Variants in TADA3 observed in about 807,000 individuals in gnomAD.
The protein encoded by TADA3 is transcriptional adaptor 3.
Under a neutral mutation model 43.2 loss-of-function variants are expected in TADA3, and 25 were observed. The observed-to-expected ratio is 0.58, with a 90% CI of 0.42 to 0.81. The LOEUF is 0.81. Ranked by LOEUF, TADA3 falls within the 30% of genes least tolerant of loss-of-function variation. TADA3 has a pLI of 0.00. For synonymous variants in TADA3, 235 were observed against 225.5 expected (o/e 1.04, Z -0.38); for missense variants, 441 against 567.8 (o/e 0.78, Z 2.27).
At chr3:9,788,970 G>A (rs1412513402) in intron 4 of TADA3, among the ~76,000 whole-genome samples, 1 of 151,890 alleles carries the variant, frequency 6.6e-6, no homozygotes, top group Non-Finnish European at 1.5e-5. Flanking sequence ...CGAGTAGCTG[G>A]GACTACAGGC....
intron 8 of TADA3, chr3:9,781,364 TAAC>T (rs2078459278): frequency 2.6e-6 from 1 of 390,372 alleles, no homozygotes; most frequent in Non-Finnish European, 5.3e-6. Flanking sequence ...CAGTTAATCC[TAAC>T]AACCCTGCAA....
At position 9,780,549 on chromosome 3, in the gene TADA3, C is replaced by A; in HGVS notation, c.1107G>T (p.Arg369Ser). The A allele has an allele frequency of 6.2e-7, 1 of 1,600,250 alleles. No individual in the cohort carries two copies. The highest frequency in any genetic ancestry group is 8.5e-7 in the Non-Finnish European group (1 of 1,179,026). ...HNRTKKHDLL[R>S]LAKEEVSRQE... ...GCCGGCTCACCTCCTCCTTTGCCAG[C>A]CTGTGGGGACCAGCCAGCCAGGTGC... Residue 369 changes from arginine (R) to serine (S), a missense_variant and splice_region_variant, in exon 9 of 9, where the codon AGG (arginine) becomes AGT (serine). Physicochemically the swap from Arg to Ser is moderately radical, Grantham distance 110. Coordinates refer to ENST00000301964, the MANE Select transcript of TADA3 (RefSeq NM_006354.5).
chr3:9,783,972 C>T, intron 8 of TADA3, 56 bp downstream of exon 8: 1 of 1,555,906 alleles, frequency 6.4e-7, no homozygotes, highest in Non-Finnish European at 8.7e-7. Flanking sequence ...AGGTGACTAG[C>T]CGTGGCCACA....
At chr3:9,783,196 T>C (rs924027401) in intron 8 of TADA3, 2 of 151,984 alleles carry the variant, frequency 1.3e-5, no homozygotes, top group Admixed American at 6.6e-5. Context: ...AAATTTTTAA[T>C]AACAAAACTT....
intron 8 of TADA3, chr3:9,783,755 G>A: frequency 2.7e-6 from 1 of 372,780 alleles, no homozygotes; most frequent in South Asian, 4.8e-5. Flanking sequence ...TCCAGCCTGG[G>A]TGACAGTGCG....
rs954453419 is a variant in TADA3 at position 9,784,284 on chromosome 3, G to C, written c.921-71C>G. The C allele has an allele frequency of 2.0e-6, 3 of 1,527,434 alleles. No individual in the cohort carries two copies. The Admixed American group carries it at 6.1e-5, about 31-fold the overall frequency. 94.6% of individuals were successfully genotyped at this position (1,527,434 alleles called of 1,614,324 possible). On this transcript the variant is annotated intron_variant, in intron 7 of 8. Transcript: ENST00000301964. ...AAGGGCCCACCTTGGAGGTTCCCAGGGCTTCCCAAGGTCAGTGAAAACCTG... is the reference window on the plus strand; with the variant it reads ...AAGGGCCCACCTTGGAGGTTCCCAGCGCTTCCCAAGGTCAGTGAAAACCTG...
At chr3:9,780,819 G>C (rs1436571284) in intron 8 of TADA3, among the ~76,000 whole-genome samples, 1 of 152,148 alleles carries the variant, frequency 6.6e-6, no homozygotes, top group Admixed American at 6.5e-5. Context: ...TCTCAATTTT[G>C]TTGTGAACTT....
intron 4 of TADA3, chr3:9,787,799 G>C: frequency 9.8e-7 from 1 of 1,016,230 alleles, no homozygotes; most frequent in South Asian, 1.3e-5. Flanking sequence ...ACAAAGGAGA[G>C]ACTGACTAAC....
In TADA3 at chr3:9,780,291, A is replaced by G. The variant is rs1171478351; in HGVS notation, c.*66T>C. 1.3e-6 allele frequency: 2 copies of G among 1,507,198 alleles called. No homozygotes were observed. The highest frequency in any genetic ancestry group is 1.2e-5 in the South Asian group (1 of 80,726). 93.4% of individuals were successfully genotyped at this position (1,507,198 alleles called of 1,614,324 possible). A position where few individuals can be genotyped will look rare whatever the true frequency, so the allele number is the denominator to read the frequency against. ...CACAGGCCAATGTTTCCTGTGCCCAAAGAAGGAAGTGGGCCTCCCTTCCCC... is the reference window on the plus strand; with the variant it reads ...CACAGGCCAATGTTTCCTGTGCCCAGAGAAGGAAGTGGGCCTCCCTTCCCC... On this transcript the variant is annotated 3_prime_UTR_variant, in exon 9 of 9. Transcript: ENST00000301964.
rs150345911 is a variant in TADA3, at chr3:9,789,739, C to T, written c.432G>A (p.Arg144=). Residue 144 remains arginine, a synonymous_variant, in exon 3 of 9, where the codon CGG becomes CGA. Coordinates refer to ENST00000301964, the MANE Select transcript of TADA3 (RefSeq NM_006354.5). The part of the protein sequence containing the change: ...EFTDDPIDVP[R]IPKNDAPNRF... ...TGTTGGGGGCATCATTTTTGGGGAT[C>T]CGTGGCACGTCGATAGGGTCATCAG... 2.0e-4 allele frequency: 322 copies of T among 1,613,554 alleles called. No homozygotes were observed. In the African/African-American group the frequency reaches 3.9e-3, roughly 19 times the overall value.
chr3:9,786,851 C>T (rs1296345726), intron 6 of TADA3, among the ~76,000 whole-genome samples, 155 bp downstream of exon 6: 2 of 152,174 alleles, frequency 1.3e-5, no homozygotes, highest in East Asian at 3.8e-4. Context: ...ATATTATTCC[C>T]AATCTTTTGC....
chr3:9,787,449 G>GCCAAGC (rs1191617639), intron 4 of TADA3, 109 bp from the exon 5 acceptor site: 16 of 1,430,904 alleles, frequency 1.1e-5, no homozygotes, highest in Non-Finnish European at 1.4e-5. Context: ...CTAGTCCAAG[G>GCCAAGC]CCAAGCCCAG....
Position 9,784,179 on chromosome 3 carries a change from T to C in TADA3, c.955A>G (p.Lys319Glu). ...AGGCCCTGGGCAATTAGCTCCTCCTTGATGCGGCTCTCCAGGGACTTAGTA... is the reference window on the plus strand; with the variant it reads ...AGGCCCTGGGCAATTAGCTCCTCCTCGATGCGGCTCTCCAGGGACTTAGTA... ...PHTKSLESRI[K>E]EELIAQGLLE... Residue 319 changes from lysine (K) to glutamate (E), a missense_variant, in exon 8 of 9, where the codon AAG (lysine) becomes GAG (glutamate). Physicochemically the swap from Lys to Glu is moderately conservative, Grantham distance 56 (BLOSUM62 1). Transcript: ENST00000301964. 6.2e-7 allele frequency: 1 copy of C among 1,613,954 alleles called. No individual in the cohort carries two copies. Among genetic ancestry groups the C allele is most frequent in the South Asian group, 1.1e-5 (1 of 91,076 alleles).
Position 9,791,481 on chromosome 3 carries a change from G to T in TADA3, c.-15C>A. On this transcript the variant is annotated 5_prime_UTR_variant, in exon 2 of 9. Coordinates refer to ENST00000301964, the MANE Select transcript of TADA3 (RefSeq NM_006354.5). ...AACTCACTCATGGCCCAGGATATGG[G>T]GATCCTGTGGAGCTGGAGAGGACAG... 1 of 1,589,096 alleles carries T rather than the reference G, an allele frequency of 6.3e-7. No individual in the cohort carries two copies. The highest frequency in any genetic ancestry group is 8.6e-7 in the Non-Finnish European group (1 of 1,162,410).
rs534192335 is a variant in TADA3 at position 9,787,821 on chromosome 3, G to C, written c.565-481C>G. The C allele has an allele frequency of 6.2e-5, 50 of 800,876 alleles. 1 individual carries two copies. The South Asian group carries it at 6.9e-4, about 11-fold the overall frequency. The allele number at this position is 800,876 out of a possible 1,614,324, so 49.6% of individuals were successfully genotyped here. A position where few individuals can be genotyped will look rare whatever the true frequency, so the allele number is the denominator to read the frequency against. On this transcript the variant is annotated intron_variant, in intron 4 of 8. Transcript: ENST00000301964. ...AGAGACTGACTAACTTTCTGCTGGG[G>C]AATCTGAAAGAGTGCTTTGGTGGAG...
At chr3:9,787,542 A>C (rs293786) in intron 4 of TADA3, 616,533 of 961,062 alleles carry the variant, frequency 0.64, 205,183 homozygotes, top group Non-Finnish European at 0.69. Flanking sequence ...AAAAAGAACT[A>C]AGACACACAC....
chr3:9,789,718 G>T lies in TADA3; in HGVS notation c.453C>A (p.Pro151=). Residue 151 remains proline, a synonymous_variant, in exon 3 of 9, where the codon CCC becomes CCA. Coordinates refer to ENST00000301964, the MANE Select transcript of TADA3 (RefSeq NM_006354.5). ...TATGTTCTCTAGCCCAGAACCTGTT[G>T]GGGGCATCATTTTTGGGGATCCGTG... The part of the protein sequence containing the change: ...DVPRIPKNDA[P]NRFWASVEPY... 3 of 1,612,808 alleles carry T rather than the reference G, an allele frequency of 1.9e-6. No homozygotes were observed. Among genetic ancestry groups the T allele is most frequent in the Non-Finnish European group, 2.5e-6 (3 of 1,178,954 alleles).
At position 9,791,466 on chromosome 3, in the gene TADA3, TGGCCCA is replaced by T; in HGVS notation, c.-6_-1del. On this transcript the variant is annotated 5_prime_UTR_variant, in exon 2 of 9. Coordinates refer to ENST00000301964, the MANE Select transcript of TADA3 (RefSeq NM_006354.5). ...AAGGGGCAGTCTTTCAACTCACTCA[TGGCCCA>T]GGATATGGGGATCCTGTGGAGCTGG... is the stretch of plus-strand genomic sequence containing the variant. 1 of 1,606,914 alleles carries T rather than the reference TGGCCCA, an allele frequency of 6.2e-7. No homozygotes were observed. The highest frequency in any genetic ancestry group is 8.5e-7 in the Non-Finnish European group (1 of 1,175,016).
Position 9,787,205 on chromosome 3 carries a change from T to G in TADA3, c.700A>C (p.Thr234Pro). 8.1e-6 allele frequency: 13 copies of G among 1,614,208 alleles called. No homozygotes were observed. Among genetic ancestry groups the G allele is most frequent in the Non-Finnish European group, 1.1e-5 (13 of 1,180,042 alleles). ...GLMGPLTELD[T>P]KDVDALLKKS... is the part of the protein sequence containing the mutation. ...AGGGAGGTGAGAGGCCTACCTTTAG[T>G]GTCCAGTTCGGTCAGTGGCCCCATG... Residue 234 changes from threonine to proline, a missense_variant, in exon 5 of 9, where the codon ACT becomes CCT. Coordinates refer to ENST00000301964, the MANE Select transcript of TADA3 (RefSeq NM_006354.5).
Sources: gnomAD v4.1 joint callset for allele counts (sites outside exome capture counted in the v4.1 genomes callset) on GRCh38, gnomAD v4.1.1 for gene constraint, MANE v1.5 for transcripts, NCBI Gene and HGNC (gene_info 2026-07-23, HGNC 2026-07-21) for gene names.